Variants in TMEM163 observed in about 807,000 individuals in gnomAD.
The protein encoded by TMEM163 is transmembrane protein 163.
In TMEM163, 17 loss-of-function variants were observed where a neutral mutation model predicts 29.3. The observed-to-expected ratio is 0.58, with a 90% CI of 0.40 to 0.87. The LOEUF (loss-of-function observed/expected upper bound fraction) is 0.87. TMEM163 is among the 40% of genes least tolerant of loss of function. TMEM163 has a pLI of 0.00. For missense variants in TMEM163, 303 were observed against 381.5 expected (o/e 0.79, Z 1.71); for synonymous variants, 157 against 160.6 (o/e 0.98, Z 0.17).
intron 4 of TMEM163, among the ~76,000 whole-genome samples, chr2:134,524,975 C>A (rs757267771): frequency 7.4e-6 from 1 of 134,610 alleles, no homozygotes; most frequent in Non-Finnish European, 1.6e-5. Flanking sequence ...AACTAATCTA[C>A]GTTCCTACCA....
chr2:134,549,603 C>CA (rs1274313059), intron 4 of TMEM163, among the ~76,000 whole-genome samples: 2 of 152,140 alleles, frequency 1.3e-5, no homozygotes, highest in African/African-American at 2.4e-5. Flanking sequence ...CTCAGCCTCC[C>CA]AAAGTGCTGG....
At chr2:134,553,757 C>T (rs1346041125) in intron 2 of TMEM163, among the ~76,000 whole-genome samples, 1 of 152,166 alleles carries the variant, frequency 6.6e-6, no homozygotes, top group South Asian at 2.1e-4. Context: ...TGCATGGTGA[C>T]CAGCTGGAGC....
intron 5 of TMEM163, among the ~76,000 whole-genome samples, chr2:134,474,650 T>C (rs1053439102): frequency 6.6e-6 from 1 of 152,180 alleles, no homozygotes; most frequent in African/African-American, 2.4e-5. Flanking sequence ...AACATACTTA[T>C]TAGAACTATA....
intron 4 of TMEM163, among the ~76,000 whole-genome samples, chr2:134,515,629 G>C (rs1246865414): frequency 6.6e-6 from 1 of 152,150 alleles, no homozygotes; most frequent in Non-Finnish European, 1.5e-5. Flanking sequence ...CAAAGGGAGT[G>C]TTTAAGTAAC....
chr2:134,481,935 G>A (rs964531295), intron 5 of TMEM163, among the ~76,000 whole-genome samples: 10 of 152,228 alleles, frequency 6.6e-5, no homozygotes, highest in East Asian at 3.9e-4. Context: ...CTCCTCCAAC[G>A]TGCTCAGCAG....
intron 2 of TMEM163, among the ~76,000 whole-genome samples, chr2:134,679,411 C>T (rs1684183985): frequency 6.6e-6 from 1 of 152,148 alleles, no homozygotes; most frequent in Non-Finnish European, 1.5e-5. Flanking sequence ...ACAAGACTGG[C>T]ATTTCAAGTA....
At chr2:134,694,745 C>T (rs151196700) in intron 2 of TMEM163, among the ~76,000 whole-genome samples, 2,413 of 152,302 alleles carry the variant, frequency 0.016, 67 homozygotes, top group African/African-American at 0.055. Context: ...ACTATATACA[C>T]ACATTATTCT....
intron 2 of TMEM163, among the ~76,000 whole-genome samples, chr2:134,648,304 C>CTTCTCTTCTCTTCTCTTCTCTT (rs1553488990): frequency 7.0e-6 from 1 of 143,110 alleles, no homozygotes; most frequent in South Asian, 2.3e-4. Flanking sequence ...CACTGCTTCT[C>CTTCTCTTCTCTTCTCTTCTCTT]CTCTTCTCTT....
intron 4 of TMEM163, among the ~76,000 whole-genome samples, chr2:134,547,409 A>T (rs1680816333): frequency 6.6e-6 from 1 of 152,154 alleles, no homozygotes; most frequent in South Asian, 2.1e-4. Flanking sequence ...TTCAAGCTCA[A>T]GATTCATCCC....
chr2:134,675,515 AATG>A (rs1454233284), intron 2 of TMEM163, among the ~76,000 whole-genome samples: 12 of 152,250 alleles, frequency 7.9e-5, no homozygotes, highest in African/African-American at 2.7e-4. Flanking sequence ...GATATGTGGC[AATG>A]ATTTCTCAAG....
At chr2:134,704,787 G>A (rs1411995120) in intron 2 of TMEM163, among the ~76,000 whole-genome samples, 1 of 152,180 alleles carries the variant, frequency 6.6e-6, no homozygotes, top group Non-Finnish European at 1.5e-5. Context: ...TGGGCTGCTA[G>A]AGGTATTTAT....
chr2:134,535,605 C>T (rs1680518574), intron 4 of TMEM163, among the ~76,000 whole-genome samples: 1 of 152,096 alleles, frequency 6.6e-6, no homozygotes, highest in East Asian at 1.9e-4. Context: ...TTCTGGAGAC[C>T]TGCCTATAGT....
intron 4 of TMEM163, among the ~76,000 whole-genome samples, chr2:134,535,230 C>A (rs184977073): frequency 2.4e-4 from 37 of 152,294 alleles, no homozygotes; most frequent in Middle Eastern, 3.4e-3. Flanking sequence ...GTGACTTCCA[C>A]GCCACTGACA....
intron 2 of TMEM163, among the ~76,000 whole-genome samples, chr2:134,610,785 A>C (rs1682489967): frequency 6.6e-6 from 1 of 152,158 alleles, no homozygotes; most frequent in Non-Finnish European, 1.5e-5. Context: ...CCCCTGATGA[A>C]TCTTTCTGAG....
At chr2:134,478,107 G>A (rs796604852) in intron 5 of TMEM163, among the ~76,000 whole-genome samples, 5 of 152,264 alleles carry the variant, frequency 3.3e-5, no homozygotes, top group African/African-American at 1.2e-4. Context: ...TGATTCCTTG[G>A]CTTTGCCCTT....
At chr2:134,673,497 G>C (rs1323184527) in intron 2 of TMEM163, among the ~76,000 whole-genome samples, 7 of 152,176 alleles carry the variant, frequency 4.6e-5, no homozygotes, top group African/African-American at 1.7e-4. Flanking sequence ...CTAATCCCCA[G>C]ATCCTGTGAA....
chr2:134,557,607 T>C (rs1437170888), intron 2 of TMEM163, among the ~76,000 whole-genome samples: 2 of 152,114 alleles, frequency 1.3e-5, no homozygotes, highest in Non-Finnish European at 2.9e-5. Flanking sequence ...AGACAAATGG[T>C]TGTATTTTTT....
At chr2:134,533,474 T>C (rs1196505176) in intron 4 of TMEM163, among the ~76,000 whole-genome samples, 1 of 152,224 alleles carries the variant, frequency 6.6e-6, no homozygotes, top group Non-Finnish European at 1.5e-5. Context: ...TTATGAGGAA[T>C]GGAGGACAGG....
At chr2:134,677,463 A>C (rs1051975412) in intron 2 of TMEM163, among the ~76,000 whole-genome samples, 8 of 85,472 alleles carry the variant, frequency 9.4e-5, no homozygotes, top group African/African-American at 6.0e-4. Context: ...CTTTCAATAT[A>C]GTTGGATTTT....
Sources: allele counts gnomAD v4.1 joint callset (sites outside exome capture counted in the v4.1 genomes callset), GRCh38; gene constraint gnomAD v4.1.1; transcripts MANE v1.5; gene names NCBI Gene and HGNC (gene_info 2026-07-23, HGNC 2026-07-21).